CCDC102B: variants seen among roughly 807,000 people sequenced by gnomAD.
The protein encoded by CCDC102B is coiled-coil domain containing 102B.
Under a neutral mutation model 57.4 loss-of-function variants are expected in CCDC102B, and 75 were observed. That is an observed-to-expected ratio of 1.31 (90% CI 1.08 to 1.58). The LOEUF is 1.58. Among genes scored for constraint, CCDC102B ranks in the 40% most tolerant of loss-of-function variants. The pLI, the probability that CCDC102B is intolerant of heterozygous loss-of-function variation, is 0.00. For synonymous variants in CCDC102B, 206 were observed against 201.9 expected, an observed-to-expected ratio of 1.02 and a Z score of -0.17; for missense variants, 636 against 582.6, an observed-to-expected ratio of 1.09 and a Z score of -0.94.
chr18:68,906,016 A>G (rs2040629554), intron 6 of CCDC102B, among the ~76,000 whole-genome samples: 1 of 151,744 alleles, frequency 6.6e-6, no homozygotes, highest in African/African-American at 2.4e-5. Context: ...GATGGTCTTG[A>G]TCGCCTGACC....
chr18:68,747,317 G>A (rs2033659290), intron 2 of CCDC102B, among the ~76,000 whole-genome samples: 2 of 151,876 alleles, frequency 1.3e-5, no homozygotes, highest in South Asian at 2.1e-4. Context: ...ACATATGAGG[G>A]AGAACACAGA....
intron 2 of CCDC102B, chr18:68,721,143 G>A (rs1318151982): frequency 1.3e-5 from 2 of 152,198 alleles, no homozygotes; most frequent in African/African-American, 4.8e-5. Context: ...CTCCTGATCA[G>A]TCATTTGTTA....
At chr18:68,801,660 AGT>A (rs2035858914) in intron 1 of CCDC102B, among the ~76,000 whole-genome samples, 1 of 152,152 alleles carries the variant, frequency 6.6e-6, no homozygotes, top group Non-Finnish European at 1.5e-5. Flanking sequence ...CAAAAATAAA[AGT>A]GAGATTTTTA....
intron 2 of CCDC102B, among the ~76,000 whole-genome samples, chr18:68,780,029 A>G (rs1201255995): frequency 6.6e-6 from 1 of 152,116 alleles, no homozygotes; most frequent in Admixed American, 6.6e-5. Context: ...ATCTCTCGCT[A>G]TCCTCAACTG....
At chr18:69,051,293 T>G (rs1465241096) in intron 7 of CCDC102B, among the ~76,000 whole-genome samples, 1 of 152,050 alleles carries the variant, frequency 6.6e-6, no homozygotes, top group Non-Finnish European at 1.5e-5. Flanking sequence ...GATATAAAAT[T>G]CCTAAAACTA....
At chr18:68,984,626 T>C (rs2050678445) in intron 6 of CCDC102B, among the ~76,000 whole-genome samples, 2 of 152,256 alleles carry the variant, frequency 1.3e-5, no homozygotes, top group Admixed American at 1.3e-4. Flanking sequence ...AGAATTTAGG[T>C]ACAGAGATAA....
At chr18:68,748,060 A>C (rs1479718621) in intron 2 of CCDC102B, among the ~76,000 whole-genome samples, 1 of 152,122 alleles carries the variant, frequency 6.6e-6, no homozygotes. Flanking sequence ...ATAGCCTGAC[A>C]AATGTGAGAT....
chr18:69,006,482 G>T (rs571353006), intron 6 of CCDC102B, among the ~76,000 whole-genome samples: 1 of 151,784 alleles, frequency 6.6e-6, no homozygotes, highest in African/African-American at 2.4e-5. Flanking sequence ...GAGGGCAGTG[G>T]CAGGATCTCG....
upstream of CCDC102B, among the ~76,000 whole-genome samples, chr18:68,797,910 C>T (rs2035689461): frequency 6.6e-6 from 1 of 152,112 alleles, no homozygotes; most frequent in African/African-American, 2.4e-5. Context: ...GTATGGAAAG[C>T]TTTGGATAAC....
chr18:68,744,264 T>G (rs1346213587), intron 2 of CCDC102B, among the ~76,000 whole-genome samples: 1 of 152,228 alleles, frequency 6.6e-6, no homozygotes, highest in East Asian at 1.9e-4. Flanking sequence ...AGACTTGTCT[T>G]GGAACTAAGT....
At chr18:68,795,227 A>G (rs1241640465), upstream of CCDC102B, among the ~76,000 whole-genome samples, 1 of 152,116 alleles carries the variant, frequency 6.6e-6, no homozygotes, top group Non-Finnish European at 1.5e-5. Context: ...ATTACAAGAT[A>G]CAGTAGAGTC....
At chr18:69,026,993 G>C (rs946970784) in intron 7 of CCDC102B, among the ~76,000 whole-genome samples, 1 of 152,206 alleles carries the variant, frequency 6.6e-6, no homozygotes, top group African/African-American at 2.4e-5. Context: ...CAGTCTTTCT[G>C]TTCCTCCACT....
chr18:68,942,587 G>T (rs966552474), intron 6 of CCDC102B, among the ~76,000 whole-genome samples: 42 of 151,354 alleles, frequency 2.8e-4, no homozygotes, highest in Middle Eastern at 3.4e-3. Context: ...GTGCTTTTGA[G>T]GTGCATATAC....
chr18:68,789,958 GT>G (rs1262407443), intron 2 of CCDC102B, among the ~76,000 whole-genome samples: 1 of 151,532 alleles, frequency 6.6e-6, no homozygotes, highest in Non-Finnish European at 1.5e-5. Flanking sequence ...CATCTTTGTG[GT>G]TTTATCTACT....
At chr18:68,977,356 G>C (rs944615108) in intron 6 of CCDC102B, among the ~76,000 whole-genome samples, 4 of 151,900 alleles carry the variant, frequency 2.6e-5, no homozygotes, top group African/African-American at 7.3e-5. Flanking sequence ...ATGGTGGTTT[G>C]CTGCACCCAT....
chr18:68,929,366 C>A (rs1266625943), intron 6 of CCDC102B, among the ~76,000 whole-genome samples: 2 of 151,844 alleles, frequency 1.3e-5, no homozygotes, highest in African/African-American at 4.8e-5. Context: ...TGAAATGGAA[C>A]AATTTTTATC....
At chr18:68,992,184 A>T (rs1251172035) in intron 6 of CCDC102B, among the ~76,000 whole-genome samples, 1 of 152,168 alleles carries the variant, frequency 6.6e-6, no homozygotes, top group Non-Finnish European at 1.5e-5. Flanking sequence ...ATTGCTTGGG[A>T]AGGGAGTTTG....
At chr18:68,999,997 T>C (rs2051158196) in intron 6 of CCDC102B, among the ~76,000 whole-genome samples, 1 of 152,138 alleles carries the variant, frequency 6.6e-6, no homozygotes, top group Non-Finnish European at 1.5e-5. Flanking sequence ...TCTCTGGGAA[T>C]TGTAGAAAAG....
intron 7 of CCDC102B, among the ~76,000 whole-genome samples, chr18:69,018,447 T>C (rs996804245): frequency 6.6e-6 from 1 of 152,198 alleles, no homozygotes. Flanking sequence ...AGTTATTTTC[T>C]GACTTTTTGA....
Sources: allele counts gnomAD v4.1 joint callset (sites outside exome capture counted in the v4.1 genomes callset), GRCh38; gene constraint gnomAD v4.1.1; transcripts MANE v1.5; gene names NCBI Gene and HGNC (gene_info 2026-07-23, HGNC 2026-07-21).